Variants in KIAA1217 observed in about 807,000 individuals in gnomAD.
The protein encoded by KIAA1217 is sickle tail protein homolog.
In KIAA1217, 88 loss-of-function variants were observed where a neutral mutation model predicts 163.9. The observed-to-expected ratio is 0.54, with a 90% CI of 0.45 to 0.64. The LOEUF is 0.64. Ranked by LOEUF, KIAA1217 falls within the 30% of genes least tolerant of loss-of-function variation. The pLI is 0.00. For synonymous variants in KIAA1217, 903 were observed against 923.1 expected, an observed-to-expected ratio of 0.98 and a Z score of 0.39; for missense variants, 2,372 against 2,475.0, an observed-to-expected ratio of 0.96 and a Z score of 0.88.
chr10:24,270,593 TG>T (rs1453355651), intron 2 of KIAA1217, among the ~76,000 whole-genome samples: 9 of 152,210 alleles, frequency 5.9e-5, no homozygotes, highest in African/African-American at 2.2e-4. Context: ...CAGGCTGGAG[TG>T]CAGTGGTGCG....
Position 24,438,373 on chromosome 10 carries a change from T to G in KIAA1217, c.753-13T>G, listed in dbSNP as rs770950847. The G allele has an allele frequency of 6.3e-7, 1 of 1,594,164 alleles. No homozygotes were observed. The highest frequency in any genetic ancestry group is 1.1e-5 in the South Asian group (1 of 90,490). On this transcript the variant is annotated splice_polypyrimidine_tract_variant and intron_variant, in intron 4 of 20. Coordinates refer to ENST00000376454, the MANE Select transcript of KIAA1217 (RefSeq NM_019590.5). ...CTTTCATCTGCCATAGTTATCGATG[T>G]TTTTGATTCCAGGAACATTCAAGAC... is the stretch of plus-strand genomic sequence containing the variant.
chr10:23,714,557 C>T (rs754627898), intron 1 of KIAA1217, among the ~76,000 whole-genome samples: 40 of 152,116 alleles, frequency 2.6e-4, no homozygotes, highest in Non-Finnish European at 5.0e-4. Flanking sequence ...TGCCTTTTCA[C>T]CTGCTGGTCC....
intron 2 of KIAA1217, among the ~76,000 whole-genome samples, chr10:24,167,606 C>T (rs976149980): frequency 2.6e-4 from 39 of 152,134 alleles, no homozygotes; most frequent in African/African-American, 9.4e-4. Flanking sequence ...CTTTACCCAA[C>T]TTGGACAACT....
chr10:24,033,654 A>G (rs532966112), intron 2 of KIAA1217, among the ~76,000 whole-genome samples: 1 of 152,364 alleles, frequency 6.6e-6, no homozygotes, highest in African/African-American at 2.4e-5. Context: ...TCTAGACACA[A>G]AGGGAGGCAA....
chr10:24,013,810 G>T (rs960769825), intron 2 of KIAA1217, among the ~76,000 whole-genome samples: 6 of 152,100 alleles, frequency 3.9e-5, no homozygotes, highest in Non-Finnish European at 5.9e-5. Context: ...GCGCTATGGG[G>T]AGTGCCGCCA....
chr10:24,378,795 C>T (rs1243674039), intron 2 of KIAA1217, among the ~76,000 whole-genome samples: 1 of 152,052 alleles, frequency 6.6e-6, no homozygotes. Flanking sequence ...TGATCGTTTT[C>T]AGTGAGAACG....
At chr10:24,317,899 G>A (rs945237825) in intron 2 of KIAA1217, among the ~76,000 whole-genome samples, 14 of 152,146 alleles carry the variant, frequency 9.2e-5, no homozygotes, top group African/African-American at 3.4e-4. Flanking sequence ...TCATTTTTAG[G>A]TGATGGCTGG....
intron 1 of KIAA1217, among the ~76,000 whole-genome samples, chr10:23,710,927 T>C (rs1190044648): frequency 6.6e-6 from 1 of 152,180 alleles, no homozygotes; most frequent in African/African-American, 2.4e-5. Flanking sequence ...GCTAGCCAGA[T>C]AGAAAATGAA....
intron 1 of KIAA1217, among the ~76,000 whole-genome samples, chr10:23,813,247 G>T (rs368013745): frequency 2.6e-5 from 4 of 151,962 alleles, no homozygotes; most frequent in East Asian, 1.9e-4. Flanking sequence ...ACAACTATCA[G>T]CTTCTTTGCC....
intron 1 of KIAA1217, among the ~76,000 whole-genome samples, chr10:23,744,925 G>A (rs930247228): frequency 2.0e-5 from 3 of 152,090 alleles, no homozygotes; most frequent in African/African-American, 4.8e-5. Context: ...GCCTTTAACC[G>A]ACTGGATGAG....
At chr10:23,979,937 G>A (rs1845696490) in intron 1 of KIAA1217, among the ~76,000 whole-genome samples, 1 of 151,804 alleles carries the variant, frequency 6.6e-6, no homozygotes, top group African/African-American at 2.4e-5. Flanking sequence ...TTATCATCCA[G>A]CTTGATGATG....
chr10:24,143,943 T>C (rs2064195185), intron 2 of KIAA1217, among the ~76,000 whole-genome samples: 1 of 152,192 alleles, frequency 6.6e-6, no homozygotes, highest in South Asian at 2.1e-4. Context: ...AGACACTCAA[T>C]GAATCATGGA....
chr10:24,305,716 C>G (rs1433515455), intron 2 of KIAA1217, among the ~76,000 whole-genome samples: 1 of 152,164 alleles, frequency 6.6e-6, no homozygotes, highest in African/African-American at 2.4e-5. Flanking sequence ...ATGGTGATGT[C>G]ATTCTAGCAT....
chr10:24,330,844 G>A (rs918606574), intron 2 of KIAA1217, among the ~76,000 whole-genome samples: 3 of 151,986 alleles, frequency 2.0e-5, no homozygotes, highest in African/African-American at 7.2e-5. Flanking sequence ...GAACTCTTGG[G>A]CTCAAGCAAT....
intron 2 of KIAA1217, among the ~76,000 whole-genome samples, chr10:24,188,887 C>T (rs1168304482): frequency 1.3e-5 from 2 of 151,946 alleles, no homozygotes; most frequent in Non-Finnish European, 1.5e-5. Context: ...GGGCAGATCG[C>T]GGGGTCAGGA....
intron 3 of KIAA1217, among the ~76,000 whole-genome samples, chr10:24,400,777 C>T (rs2056433518): frequency 6.6e-6 from 1 of 151,624 alleles, no homozygotes; most frequent in Admixed American, 6.6e-5. Context: ...CATGAAAGAC[C>T]AACTTAGAGA....
intron 2 of KIAA1217, among the ~76,000 whole-genome samples, chr10:24,198,373 C>T (rs2067086811): frequency 6.6e-6 from 1 of 152,154 alleles, no homozygotes; most frequent in Admixed American, 6.5e-5. Context: ...TTCTGGGAGG[C>T]TGAGGCGGGT....
rs775229979 is a variant in KIAA1217, at chr10:24,544,116, C to G, written c.4846C>G (p.Gln1616Glu). ...AGAGGAAGAGGATGGCACCCTGAAA[C>G]AGCACAAAGAAGCCAAGCGCTTCGA... ...EEEEEDGTLK[Q>E]HKEAKRFEIA... The change falls in exon 19 of 21, where the codon CAG becomes GAG. Residue 1616 changes from glutamine (Q) to glutamate (E), a missense_variant. Gln to Glu is a conservative substitution (Grantham distance 29). Coordinates refer to ENST00000376454, the MANE Select transcript of KIAA1217 (RefSeq NM_019590.5). 1 of 1,614,122 alleles carries G rather than the reference C, an allele frequency of 6.2e-7. No homozygotes were observed. Among genetic ancestry groups the G allele is most frequent in the Non-Finnish European group, 8.5e-7 (1 of 1,180,024 alleles).
rs552557632 is a variant in KIAA1217, at chr10:23,806,108, A to C, written c.-321+110874A>C. ...TTTGTCTATTCAAAAAAAGGATATC[A>C]TCTAATCAGATGGTACTCCCATCTT... On this transcript the variant is annotated intron_variant, in intron 1 of 18. Transcript: ENST00000376462. 2.6e-4 allele frequency among the ~76,000 whole-genome samples: 40 copies of C among 152,042 alleles called. 1 individual carries two copies. Among genetic ancestry groups the C allele is most frequent in the African/African-American group, 9.6e-4 (40 of 41,462 alleles).
Sources: allele counts gnomAD v4.1 joint callset (sites outside exome capture counted in the v4.1 genomes callset), GRCh38; gene constraint gnomAD v4.1.1; transcripts MANE v1.5; gene names NCBI Gene and HGNC (gene_info 2026-07-23, HGNC 2026-07-21).